CUBN: variants seen among roughly 807,000 people sequenced by gnomAD.
The protein encoded by CUBN is 460 kDa receptor.
Under a neutral mutation model 405.3 loss-of-function variants are expected in CUBN, and 282 were observed. The ratio of observed to expected loss-of-function variants is 0.70; its 90% CI spans 0.63 to 0.77. The LOEUF (loss-of-function observed/expected upper bound fraction) is 0.77. Among genes scored for constraint, CUBN ranks in the 30% least tolerant of loss-of-function variants. The pLI, the probability that CUBN is intolerant of heterozygous loss-of-function variation, is 0.00. For synonymous variants in CUBN, 1,684 were observed against 1,617.0 expected (o/e 1.04, Z -0.99); for missense variants, 4,514 against 4,475.2 (o/e 1.01, Z -0.25).
At chr10:16,941,153 G>A (rs974150278) in intron 36 of CUBN, among the ~76,000 whole-genome samples, 7 of 152,176 alleles carry the variant, frequency 4.6e-5, no homozygotes, top group Admixed American at 4.6e-4. Context: ...ATTGGTGTAA[G>A]GGTAGACAAA....
intron 8 of CUBN, among the ~76,000 whole-genome samples, chr10:17,113,120 C>T (rs1314187084): frequency 6.6e-6 from 1 of 151,974 alleles, no homozygotes; most frequent in Non-Finnish European, 1.5e-5. Flanking sequence ...CAAAAATTAG[C>T]CGGGTGTGGT....
intron 59 of CUBN, among the ~76,000 whole-genome samples, chr10:16,860,870 C>T (rs1839992859): frequency 6.6e-6 from 1 of 152,194 alleles, no homozygotes; most frequent in Non-Finnish European, 1.5e-5. Context: ...CCCTGGAATG[C>T]TGCTTCAAAA....
rs1157224263 is a variant in CUBN, at chr10:16,933,152, T to C, written c.6059A>G (p.Asn2020Ser). 6.2e-6 allele frequency: 10 copies of C among 1,613,988 alleles called. No homozygotes were observed. Among genetic ancestry groups the C allele is most frequent in the Non-Finnish European group, 8.5e-6 (10 of 1,180,018 alleles). Residue 2020 changes from asparagine to serine, a missense_variant, in exon 40 of 67, where the codon AAC becomes AGC. Asn to Ser is a conservative substitution (Grantham distance 46). This residue lies in a region of CUBN where 1,613 missense variants were observed against 1,542.8 expected (regional missense o/e 1.05). Transcript: ENST00000377833. ...AGATTCAATGTCCAGGGAAAGAATG[T>C]TGAGTTCCACGGTAGAGTCGGGAGC... ...IQAPDSTVEL[N>S]ILSLDIESHR...
chr10:16,901,165 A>C (rs1841352251), intron 52 of CUBN, among the ~76,000 whole-genome samples, 173 bp downstream of exon 52: 1 of 152,248 alleles, frequency 6.6e-6, no homozygotes, highest in Non-Finnish European at 1.5e-5. Context: ...CATGAATAAT[A>C]AATGCCAATG....
In CUBN at chr10:17,100,265, T is replaced by C. The variant is rs1469404766; in HGVS notation, c.1531-26A>G. 2.9e-6 allele frequency: 4 copies of C among 1,375,254 alleles called. No homozygotes were observed. In the Admixed American group the frequency reaches 5.0e-5, roughly 17 times the overall value. 85.2% of individuals were successfully genotyped at this position (1,375,254 alleles called of 1,614,324 possible). A position where few individuals can be genotyped will look rare whatever the true frequency, so the allele number is the denominator to read the frequency against. ...CTAAAAATACAAAGGCCACATATAT[T>C]ATCTTTTACTTCCATGTAAATTTTA... On this transcript the variant is annotated intron_variant, in intron 13 of 66. Coordinates refer to ENST00000377833, the MANE Select transcript of CUBN (RefSeq NM_001081.4).
chr10:16,959,628 CAAA>C (rs537012370), intron 31 of CUBN, among the ~76,000 whole-genome samples: 1 of 114,544 alleles, frequency 8.7e-6, no homozygotes, highest in Non-Finnish European at 1.8e-5. Flanking sequence ...AACTCCGTCT[CAAA>C]AAAAAAAAAA....
rs1339712066 is a variant in CUBN at position 16,965,046 on chromosome 10, C to T, written c.4696-10498G>A. Among the ~76,000 whole-genome samples the T allele has an allele frequency of 2.0e-5, 3 of 152,188 alleles. No individual in the cohort carries two copies. In the South Asian group the frequency reaches 6.2e-4, roughly 32 times the overall value. On this transcript the variant is annotated intron_variant, in intron 31 of 66. Transcript: ENST00000377833. ...GGAAGCATGTACCCAACGGCCAGAC[C>T]GTTTGGGGAACCGCCCCCATCCCTG...
Position 16,949,975 on chromosome 10 carries a change from ATGTAGATGAG to A in CUBN, c.5080+16_5080+25del. 1 of 1,511,492 alleles carries A rather than the reference ATGTAGATGAG, an allele frequency of 6.6e-7. No individual in the cohort carries two copies. Among genetic ancestry groups the A allele is most frequent in the South Asian group, 1.1e-5 (1 of 88,700 alleles). The allele number at this position is 1,511,492 out of a possible 1,614,324, so 93.6% of individuals were successfully genotyped here. A position where few individuals can be genotyped will look rare whatever the true frequency, so the allele number is the denominator to read the frequency against. ...AAATAAAGCACAGCCAAGACCACAG[ATGTAGATGAG>A]TGAACGCTGAGGTACCTCGGAGGGG... On this transcript the variant is annotated intron_variant, in intron 34 of 66. Coordinates refer to ENST00000377833, the MANE Select transcript of CUBN (RefSeq NM_001081.4).
At chr10:16,925,881 G>A in intron 41 of CUBN, 107 bp from the exon 42 acceptor site, 1 of 965,022 alleles carries the variant, frequency 1.0e-6, no homozygotes, top group East Asian at 2.6e-5. Context: ...CAATAAAAAT[G>A]CTTGAAAATA....
chr10:16,889,710 A>T (rs1399575892), intron 55 of CUBN, among the ~76,000 whole-genome samples: 15 of 151,638 alleles, frequency 9.9e-5, no homozygotes, highest in Non-Finnish European at 2.2e-4. Context: ...CCTGGCCAAC[A>T]TGGTGAAACC....
intron 28 of CUBN, among the ~76,000 whole-genome samples, chr10:17,014,824 G>T (rs1211051554): frequency 6.6e-6 from 1 of 152,152 alleles, no homozygotes; most frequent in Non-Finnish European, 1.5e-5. Flanking sequence ...TAAACCCTTG[G>T]GGCACAACTA....
chr10:16,872,910 A>C (rs185532539), intron 58 of CUBN, among the ~76,000 whole-genome samples: 1 of 152,306 alleles, frequency 6.6e-6, no homozygotes, highest in Admixed American at 6.5e-5. Flanking sequence ...TCCAGGTAAG[A>C]GCTGCAGTTT....
rs201251467 is a variant in CUBN at position 16,984,210 on chromosome 10, G to A, written c.4420C>T (p.Pro1474Ser). ...QLCTQRSPEN[P>S]MQVSSTGNEL... ...TTTCCAGTGCTGGAGACCTGCATGG[G>A]GTTCTCAGGTGATCTCTGGGTACAC... is the stretch of plus-strand genomic sequence containing the variant. Residue 1474 changes from proline (P) to serine (S), a missense_variant, in exon 30 of 67, where the codon CCC becomes TCC. Around this residue, in one of 5 missense-constraint regions of CUBN, gnomAD observed 1,613 missense variants for 1,542.8 expected, o/e 1.05. Coordinates refer to ENST00000377833, the MANE Select transcript of CUBN (RefSeq NM_001081.4). 29 of 1,614,136 alleles carry A rather than the reference G, an allele frequency of 1.8e-5. No homozygotes were observed. The East Asian group carries it at 6.5e-4, about 36-fold the overall frequency.
intron 39 of CUBN, among the ~76,000 whole-genome samples, chr10:16,934,069 C>T (rs930631105): frequency 2.0e-5 from 3 of 152,092 alleles, no homozygotes; most frequent in African/African-American, 7.2e-5. Flanking sequence ...CCTCTGCGGC[C>T]CCACCACCCA....
rs1836538244 is a variant in CUBN at position 17,103,173 on chromosome 10, A to G, written c.1482T>C (p.Tyr494=). The G allele has an allele frequency of 1.2e-6, 2 of 1,614,070 alleles. No homozygotes were observed. Among genetic ancestry groups the G allele is most frequent in the African/African-American group, 1.3e-5 (1 of 75,058 alleles). ...CCCAGAAGCAGTTAACATCATGAAC[A>G]TAACCAACATCCGGGCTCCTGTAGC... The part of the protein sequence containing the change: ...SFSYRSPDVG[Y]VHDVNCFWVI... The change falls in exon 13 of 67, where the codon TAT becomes TAC. Residue 494 remains tyrosine (Y), a synonymous_variant. Coordinates refer to ENST00000377833, the MANE Select transcript of CUBN (RefSeq NM_001081.4).
At chr10:16,976,010 G>A (rs1425551951) in intron 31 of CUBN, among the ~76,000 whole-genome samples, 1 of 131,276 alleles carries the variant, frequency 7.6e-6, no homozygotes, top group Admixed American at 7.9e-5. Flanking sequence ...CTTGCTTGTT[G>A]CCTAGGCTGA....
chr10:16,955,374 CAAAAAAAAAAAAAAA>C (rs59365817), intron 31 of CUBN, among the ~76,000 whole-genome samples: 10 of 68,856 alleles, frequency 1.5e-4, no homozygotes, highest in East Asian at 6.5e-4. Flanking sequence ...GATTCTGTCT[CAAAAAAAAAAAAAAA>C]AAAAAAAAAA....
chr10:16,919,983 G>T lies in CUBN; in HGVS notation c.6801C>A (p.Phe2267Leu). Reference protein sequence around the residue: ...TRIQLQFEDRFDIEVTPNCTS... With the variant: ...TRIQLQFEDRLDIEVTPNCTS... ...CATACTTGGGTGTTACTTCAATATC[G>T]AATCGATCTTCAAATTGCAGCTGTA... The change falls in exon 44 of 67, where the codon TTC (phenylalanine) becomes TTA (leucine). Residue 2267 changes from phenylalanine (F) to leucine (L), a missense_variant. By Grantham distance (22) the Phe-to-Leu change is conservative (BLOSUM62 0). Transcript: ENST00000377833. 6.2e-7 allele frequency: 1 copy of T among 1,613,352 alleles called. No individual in the cohort carries two copies.
In CUBN at chr10:16,887,500, T is replaced by C. The variant is rs183604111; in HGVS notation, c.8905+917A>G. On this transcript the variant is annotated intron_variant, in intron 56 of 66. Coordinates refer to ENST00000377833, the MANE Select transcript of CUBN (RefSeq NM_001081.4). ...TGCCTCTACTTACTCCTCATTCATT[T>C]CTGAAGAACCAATTAGAGTTTACTT... Among the ~76,000 whole-genome samples the C allele has an allele frequency of 7.2e-5, 11 of 152,396 alleles. No individual in the cohort carries two copies. The East Asian group carries it at 1.7e-3, about 24-fold the overall frequency.
Sources: gnomAD v4.1 joint callset for allele counts (sites outside exome capture counted in the v4.1 genomes callset) on GRCh38, gnomAD v4.1.1 for gene constraint, gnomAD v4.1.1 regional missense constraint, MANE v1.5 for transcripts, NCBI Gene and HGNC (gene_info 2026-07-23, HGNC 2026-07-21) for gene names.